Variants in TLL1 observed in about 807,000 individuals in gnomAD.
TLL1 encodes the protein tolloid like 1.
A neutral mutation model predicts 128.2 loss-of-function variants in TLL1; 49 were observed. That is an observed-to-expected ratio of 0.38 (90% CI 0.30 to 0.48). The LOEUF (loss-of-function observed/expected upper bound fraction) is 0.48, where lower values mean the gene tolerates loss of function less well. Among genes scored for constraint, TLL1 ranks in the 20% least tolerant of loss-of-function variants. TLL1 has a pLI of 0.96. For missense variants in TLL1, 1,123 were observed against 1,242.0 expected (o/e 0.90, Z 1.44); for synonymous variants, 454 against 418.8 (o/e 1.08, Z -1.03).
intron 1 of TLL1, 26 bp downstream of exon 1, chr4:165,874,099 G>C (rs1355029991): frequency 6.2e-7 from 1 of 1,613,678 alleles, no homozygotes; most frequent in Non-Finnish European, 8.5e-7. Context: ...GGTTGGGACG[G>C]TGGCGCGCCG....
intron 12 of TLL1, 95 bp downstream of exon 12, chr4:166,043,514 G>A: frequency 6.4e-7 from 1 of 1,564,194 alleles, no homozygotes; most frequent in Non-Finnish European, 8.8e-7. Flanking sequence ...GAAACAGAGA[G>A]TCAGCCTTTT....
At chr4:165,938,528 T>C (rs946740008) in intron 1 of TLL1, among the ~76,000 whole-genome samples, 4 of 152,166 alleles carry the variant, frequency 2.6e-5, no homozygotes, top group African/African-American at 9.6e-5. Context: ...AGTTGAATAC[T>C]TGGTCTTCTG....
At chr4:166,035,663 G>A (rs1237398198) in intron 9 of TLL1, among the ~76,000 whole-genome samples, 1 of 152,002 alleles carries the variant, frequency 6.6e-6, no homozygotes, top group Admixed American at 6.6e-5. Flanking sequence ...TAATTTCAGA[G>A]CTGAACAAAA....
chr4:165,958,714 A>C (rs1186486891), intron 1 of TLL1, among the ~76,000 whole-genome samples: 1 of 141,940 alleles, frequency 7.0e-6, no homozygotes, highest in African/African-American at 2.7e-5. Flanking sequence ...TCTTTAGTTT[A>C]ATTAGATCCC....
intron 18 of TLL1, among the ~76,000 whole-genome samples, chr4:166,087,445 G>A (rs1418685020): frequency 6.6e-6 from 1 of 152,000 alleles, no homozygotes; most frequent in Non-Finnish European, 1.5e-5. Context: ...TTTTTCCAGT[G>A]GCCTCTAATC....
chr4:166,029,352 C>T (rs1361739834), intron 9 of TLL1, among the ~76,000 whole-genome samples: 1 of 151,844 alleles, frequency 6.6e-6, no homozygotes. Context: ...AGATTATTCG[C>T]TTTTTATAAG....
intron 1 of TLL1, among the ~76,000 whole-genome samples, chr4:165,975,963 G>A (rs746022089): frequency 1.4e-5 from 2 of 143,154 alleles, no homozygotes; most frequent in African/African-American, 2.6e-5. Context: ...GCTGGAATCC[G>A]GGAGGTAGAG....
chr4:165,898,704 C>A (rs1410706489), intron 1 of TLL1, among the ~76,000 whole-genome samples: 5 of 152,188 alleles, frequency 3.3e-5, no homozygotes, highest in South Asian at 2.1e-4. Flanking sequence ...TTTTTTGTGT[C>A]TCTGCCAGGT....
intron 1 of TLL1, among the ~76,000 whole-genome samples, chr4:165,893,562 A>G (rs1731514293): frequency 6.6e-6 from 1 of 152,156 alleles, no homozygotes; most frequent in South Asian, 2.1e-4. Flanking sequence ...GAGAATCCCT[A>G]CCTTGTATTC....
chr4:165,882,234 A>G (rs1730995754), intron 1 of TLL1, among the ~76,000 whole-genome samples: 1 of 152,184 alleles, frequency 6.6e-6, no homozygotes, highest in Non-Finnish European at 1.5e-5. Context: ...AGTCTGGCAA[A>G]TTCAAAATAT....
intron 9 of TLL1, among the ~76,000 whole-genome samples, chr4:166,027,033 A>C (rs1256749113): frequency 6.6e-6 from 1 of 152,218 alleles, no homozygotes; most frequent in Non-Finnish European, 1.5e-5. Flanking sequence ...TGTGGTACAC[A>C]TACACCATGG....
intron 5 of TLL1, among the ~76,000 whole-genome samples, chr4:165,998,609 T>C (rs901157662): frequency 1.1e-4 from 16 of 151,696 alleles, no homozygotes; most frequent in Admixed American, 2.0e-4. Flanking sequence ...CTGGCTAACA[T>C]GGTGAAACCC....
intron 1 of TLL1, among the ~76,000 whole-genome samples, chr4:165,928,593 G>A (rs760996113): frequency 2.8e-4 from 42 of 152,182 alleles, no homozygotes; most frequent in Admixed American, 3.9e-4. Flanking sequence ...TGTCTGTCTC[G>A]AACATGCAGA....
intron 1 of TLL1, among the ~76,000 whole-genome samples, chr4:165,935,472 C>T (rs1247491159): frequency 1.3e-5 from 2 of 152,136 alleles, no homozygotes; most frequent in Non-Finnish European, 2.9e-5. Context: ...TATTATAAAA[C>T]TCAGATGGAG....
At chr4:165,919,078 T>G (rs1732912310) in intron 1 of TLL1, among the ~76,000 whole-genome samples, 1 of 152,078 alleles carries the variant, frequency 6.6e-6, no homozygotes, top group Non-Finnish European at 1.5e-5. Context: ...TATATTAGGT[T>G]TTTTGAAAAG....
intron 1 of TLL1, among the ~76,000 whole-genome samples, chr4:165,959,334 C>A (rs1734978437): frequency 6.6e-6 from 1 of 152,112 alleles, no homozygotes; most frequent in Admixed American, 6.6e-5. Flanking sequence ...TTGATTCTTC[C>A]TACCCATGAG....
At chr4:165,984,184 T>C (rs1298918756) in intron 1 of TLL1, among the ~76,000 whole-genome samples, 1 of 151,912 alleles carries the variant, frequency 6.6e-6, no homozygotes, top group Non-Finnish European at 1.5e-5. Flanking sequence ...TTCTGAAGAA[T>C]GTTTCTGATT....
chr4:165,982,152 A>G (rs766702564), intron 1 of TLL1, among the ~76,000 whole-genome samples: 10 of 152,020 alleles, frequency 6.6e-5, no homozygotes, highest in Non-Finnish European at 1.2e-4. Flanking sequence ...TCAGCAAGTT[A>G]ATAGTATTAA....
chr4:165,891,617 TCA>T (rs1731407548), intron 1 of TLL1, among the ~76,000 whole-genome samples: 1 of 152,088 alleles, frequency 6.6e-6, no homozygotes, highest in South Asian at 2.1e-4. Flanking sequence ...ACAATCACCT[TCA>T]CTCCAGCCCA....
Sources: allele counts gnomAD v4.1 joint callset (sites outside exome capture counted in the v4.1 genomes callset), GRCh38; gene constraint gnomAD v4.1.1; transcripts MANE v1.5; gene names NCBI Gene and HGNC (gene_info 2026-07-23, HGNC 2026-07-21).